TLR4: variants seen among roughly 807,000 people sequenced by gnomAD.
TLR4 encodes the protein toll like receptor 4.
In TLR4, 17 loss-of-function variants were observed where a neutral mutation model predicts 27.4. That is an observed-to-expected ratio of 0.62 (90% CI 0.42 to 0.93). TLR4 has a LOEUF of 0.93. TLR4 is among the 40% of genes least tolerant of loss of function. TLR4 has a pLI of 0.00. For synonymous variants in TLR4, 363 were observed against 365.7 expected (o/e 0.99, Z 0.08); for missense variants, 926 against 962.3 (o/e 0.96, Z 0.50).
chr9:117,707,115 A>G (rs1400566520), intron 1 of TLR4, among the ~76,000 whole-genome samples: 1 of 152,200 alleles, frequency 6.6e-6, no homozygotes, highest in African/African-American at 2.4e-5. Context: ...GAACAATCAG[A>G]TAGACAACAT....
Position 117,714,867 on chromosome 9 carries a change from A to T in TLR4, c.*219A>T. The T allele has an allele frequency of 1.7e-6, 1 of 584,800 alleles. No homozygotes were observed. The highest frequency in any genetic ancestry group is 3.0e-6 in the Non-Finnish European group (1 of 328,468). 36.2% of individuals were successfully genotyped at this position (584,800 alleles called of 1,614,324 possible). On this transcript the variant is annotated 3_prime_UTR_variant, in exon 3 of 3. Transcript: ENST00000355622. ...ACAGAGTCTTCCAGGTGGGCATTTC[A>T]ACCAACTCAGTCAAGGAACCCATGA... is the stretch of plus-strand genomic sequence containing the variant.
At chr9:117,708,934 T>C (rs1829184328) in intron 2 of TLR4, 2 of 594,828 alleles carry the variant, frequency 3.4e-6, no homozygotes, top group Admixed American at 6.5e-5. Flanking sequence ...AGTAGGCAGT[T>C]GGCTGAGACA....
chr9:117,713,780 A>C lies in TLR4; in HGVS notation c.1652A>C (p.Tyr551Ser). 1.2e-6 allele frequency: 2 copies of C among 1,613,968 alleles called. No homozygotes were observed. The highest frequency in any genetic ancestry group is 1.7e-6 in the Non-Finnish European group (2 of 1,179,994). The change falls in exon 3 of 3, where the codon TAC becomes TCC. Residue 551 changes from tyrosine to serine, a missense_variant. Tyr to Ser is a moderately radical substitution (Grantham distance 144, BLOSUM62 -2). Transcript: ENST00000355622. ...CTGAACTCCCTCCAGGTTCTTGATT[A>C]CAGTCTCAATCACATAATGACTTCC... ...KCLNSLQVLD[Y>S]SLNHIMTSKK...
intron 2 of TLR4, among the ~76,000 whole-genome samples, chr9:117,710,379 CA>C (rs1829211344): frequency 6.6e-6 from 1 of 150,820 alleles, no homozygotes; most frequent in Admixed American, 6.6e-5. Context: ...GCATCTATGC[CA>C]TTATGTTCTA....
chr9:117,704,589 C>T, intron 1 of TLR4, 24 bp downstream of exon 1: 1 of 1,603,838 alleles, frequency 6.2e-7, no homozygotes, highest in South Asian at 1.1e-5. Context: ...GTCAGCTCCT[C>T]TGAACTTTCC....
chr9:117,708,970 G>A, intron 2 of TLR4: 1 of 473,904 alleles, frequency 2.1e-6, no homozygotes, highest in Non-Finnish European at 3.8e-6. Flanking sequence ...TCTAATTTTA[G>A]GTTTTCTTTT....
In TLR4 at chr9:117,713,404, C is replaced by A. The variant is rs1159171467; in HGVS notation, c.1276C>A (p.His426Asn). The change falls in exon 3 of 3, where the codon CAT (histidine) becomes AAT (asparagine). Residue 426 changes from histidine to asparagine, a missense_variant. Transcript: ENST00000355622. ...CTTCTTGGGCTTAGAACAACTAGAA[C>A]ATCTGGATTTCCAGCATTCCAATTT... ...SNFLGLEQLE[H>N]LDFQHSNLKQ... is the part of the protein sequence containing the mutation. 6.2e-7 allele frequency: 1 copy of A among 1,614,072 alleles called. No individual in the cohort carries two copies. Among genetic ancestry groups the A allele is most frequent in the East Asian group, 2.2e-5 (1 of 44,870 alleles).
In TLR4 at chr9:117,723,931, A is replaced by G. The variant is rs887568292; in HGVS notation, c.*9283A>G. 1.3e-5 allele frequency: 2 copies of G among 152,202 alleles called. No homozygotes were observed. Among genetic ancestry groups the G allele is most frequent in the Non-Finnish European group, 2.9e-5 (2 of 68,054 alleles). 9.4% of individuals were successfully genotyped at this position (152,202 alleles called of 1,614,324 possible). On this transcript the variant is annotated 3_prime_UTR_variant, in exon 3 of 3. Coordinates refer to ENST00000355622, the MANE Select transcript of TLR4 (RefSeq NM_138554.5). ...CATTCGACCCCTTGTGCCTCTTACCATATGTGAATGCTTGTCAGTTGAGAG... is the reference window on the plus strand; with the variant it reads ...CATTCGACCCCTTGTGCCTCTTACCGTATGTGAATGCTTGTCAGTTGAGAG...
At chr9:117,708,958 A>G in intron 2 of TLR4, 2 of 510,878 alleles carry the variant, frequency 3.9e-6, no homozygotes, top group Non-Finnish European at 6.9e-6. Flanking sequence ...TCTAAGGGCA[A>G]TTCTAATTTT....
chr9:117,710,625 C>T (rs1027302632), intron 2 of TLR4, among the ~76,000 whole-genome samples: 16 of 152,068 alleles, frequency 1.1e-4, no homozygotes, highest in Admixed American at 9.2e-4. Flanking sequence ...TTAGGGCAAG[C>T]ACAAAAGATA....
chr9:117,704,873 G>A (rs550646310), intron 1 of TLR4, among the ~76,000 whole-genome samples: 1 of 152,110 alleles, frequency 6.6e-6, no homozygotes, highest in Non-Finnish European at 1.5e-5. Flanking sequence ...ACTAGTTTTC[G>A]CATCTGTAAG....
chr9:117,714,324 G>A lies in TLR4; in HGVS notation c.2196G>A (p.Lys732=), dbSNP rs769601560. 5 of 1,597,504 alleles carry A rather than the reference G, an allele frequency of 3.1e-6. No individual in the cohort carries two copies. The highest frequency in any genetic ancestry group is 4.3e-6 in the Non-Finnish European group (5 of 1,167,258). Residue 732 remains lysine, a synonymous_variant, in exon 3 of 3, where the codon AAG becomes AAA. Transcript: ENST00000355622. The part of the protein sequence containing the change: ...IIHEGFHKSR[K]VIVVVSQHFI... ...ATGAAGGTTTCCATAAAAGCCGAAA[G>A]GTGATTGTTGTGGTGTCCCAGCACT... is the stretch of plus-strand genomic sequence containing the variant.
At chr9:117,704,804 T>C (rs1012307098) in intron 1 of TLR4, among the ~76,000 whole-genome samples, 3 of 152,198 alleles carry the variant, frequency 2.0e-5, no homozygotes, top group Non-Finnish European at 4.4e-5. Flanking sequence ...ATAGATCTGC[T>C]TAAGGTCCCT....
rs557479186 is a variant in TLR4 at position 117,719,564 on chromosome 9, G to A, written c.*4916G>A. On this transcript the variant is annotated 3_prime_UTR_variant, in exon 3 of 3. Coordinates refer to ENST00000355622, the MANE Select transcript of TLR4 (RefSeq NM_138554.5). ...TACAGCTGTAAGAGCCAGGAAAAATGTGATCTAAGTTATGTGATCAAAGAT... is the reference window on the plus strand; with the variant it reads ...TACAGCTGTAAGAGCCAGGAAAAATATGATCTAAGTTATGTGATCAAAGAT... The A allele has an allele frequency of 5.3e-5, 8 of 152,256 alleles. No homozygotes were observed. The highest frequency in any genetic ancestry group is 4.6e-4 in the Admixed American group (7 of 15,290). 9.4% of individuals were successfully genotyped at this position (152,256 alleles called of 1,614,324 possible). A position where few individuals can be genotyped will look rare whatever the true frequency, so the allele number is the denominator to read the frequency against.
chr9:117,713,371 A>C lies in TLR4; in HGVS notation c.1243A>C (p.Ser415Arg). 6.2e-7 allele frequency: 1 copy of C among 1,614,098 alleles called. No individual in the cohort carries two copies. Among genetic ancestry groups the C allele is most frequent in the South Asian group, 1.1e-5 (1 of 91,084 alleles). Reference sequence around the variant, plus strand: ...GAGCTTCAATGGTGTTATTACCATGAGTTCAAACTTCTTGGGCTTAGAACA... The same window carrying C: ...GAGCTTCAATGGTGTTATTACCATGCGTTCAAACTTCTTGGGCTTAGAACA... ...DLSFNGVITM[S>R]SNFLGLEQLE... The change falls in exon 3 of 3, where the codon AGT becomes CGT. Residue 415 changes from serine to arginine, a missense_variant. Transcript: ENST00000355622.
chr9:117,722,280 G>A lies in TLR4; in HGVS notation c.*7632G>A, dbSNP rs989737980. ...AGGATTTCCTTGCGAAAACTTGCTG[G>A]GCCACTGCCAATCTTCCCAGAAACT... On this transcript the variant is annotated 3_prime_UTR_variant, in exon 3 of 3. Transcript: ENST00000355622. 6.6e-6 allele frequency: 1 copy of A among 152,054 alleles called. No individual in the cohort carries two copies. The highest frequency in any genetic ancestry group is 1.5e-5 in the Non-Finnish European group (1 of 68,010). 9.4% of individuals were successfully genotyped at this position (152,054 alleles called of 1,614,324 possible).
At chr9:117,710,772 A>T (rs1046130496) in intron 2 of TLR4, among the ~76,000 whole-genome samples, 30 of 152,108 alleles carry the variant, frequency 2.0e-4, no homozygotes, top group African/African-American at 6.5e-4. Context: ...TTTATAGGTG[A>T]GGAAACTGAA....
chr9:117,707,024 AC>A (rs1301695445), intron 1 of TLR4, among the ~76,000 whole-genome samples: 1 of 152,206 alleles, frequency 6.6e-6, no homozygotes, highest in East Asian at 1.9e-4. Context: ...TTTGCCAGAC[AC>A]CATTCTGAGT....
chr9:117,708,062 T>A, intron 1 of TLR4: 1 of 380,784 alleles, frequency 2.6e-6, no homozygotes, highest in Non-Finnish European at 3.7e-6. Context: ...ATCTTCTCTG[T>A]ATCCTTCCAA....
Sources: gnomAD v4.1 joint callset for allele counts (sites outside exome capture counted in the v4.1 genomes callset) on GRCh38, gnomAD v4.1.1 for gene constraint, MANE v1.5 for transcripts, NCBI Gene and HGNC (gene_info 2026-07-23, HGNC 2026-07-21) for gene names.